Variants in ZFAND2A observed in about 807,000 individuals in gnomAD.
ZFAND2A encodes AN1-type zinc finger protein 2A.
In ZFAND2A, 20 loss-of-function variants were observed where a neutral mutation model predicts 11.6. That is an observed-to-expected ratio of 1.72 (90% CI 1.21 to 2.50). ZFAND2A has a LOEUF of 2.50. ZFAND2A is among the 30% of genes most tolerant of loss of function. The pLI, the probability that ZFAND2A is intolerant of heterozygous loss-of-function variation, is 0.00. For synonymous variants in ZFAND2A, 93 were observed against 60.6 expected, an observed-to-expected ratio of 1.54 and a Z score of -2.48; for missense variants, 234 against 182.9, an observed-to-expected ratio of 1.28 and a Z score of -1.61.
In ZFAND2A at chr7:1,153,633, A is replaced by C. The variant is rs192365880; in HGVS notation, c.283-409T>G. Among the ~76,000 whole-genome samples the C allele has an allele frequency of 2.4e-3, 360 of 152,308 alleles. 4 individuals carry two copies. The highest frequency in any genetic ancestry group is 8.3e-3 in the African/African-American group (344 of 41,552). ...GAGTACAGATGCAAAGTTTCATTTG[A>C]CCATCTCAGTGCAGGTAAGAAGAAC... On this transcript the variant is annotated intron_variant, in intron 4 of 4. Coordinates refer to ENST00000316495, the MANE Select transcript of ZFAND2A (RefSeq NM_182491.4).
At chr7:1,152,423 A>G, downstream of ZFAND2A, 3 of 1,443,352 alleles carry the variant, frequency 2.1e-6, no homozygotes, top group East Asian at 2.6e-5. Context: ...CAGGTAAGCA[A>G]CTACCACTGG....
At chr7:1,151,095 C>G (rs1234187356), downstream of ZFAND2A, among the ~76,000 whole-genome samples, 1 of 152,108 alleles carries the variant, frequency 6.6e-6, no homozygotes, top group Non-Finnish European at 1.5e-5. Context: ...ACCATGTTGA[C>G]CAGGCTGGTC....
chr7:1,151,063 G>C (rs115849730), downstream of ZFAND2A, among the ~76,000 whole-genome samples: 1 of 151,892 alleles, frequency 6.6e-6, no homozygotes, highest in African/African-American at 2.4e-5. Context: ...GCTAATTTTT[G>C]TTTTAGTAGA....
At chr7:1,159,934 G>A in intron 1 of ZFAND2A, 30 bp downstream of exon 1, 1 of 167,052 alleles carries the variant, frequency 6.0e-6, no homozygotes, top group Non-Finnish European at 1.3e-5. Flanking sequence ...ACCCCCGGCA[G>A]ACCCTGTCTG....
downstream of ZFAND2A, among the ~76,000 whole-genome samples, chr7:1,151,208 A>G (rs538882616): frequency 1.3e-5 from 2 of 151,424 alleles, no homozygotes; most frequent in Admixed American, 1.3e-4. Context: ...TGTTTTAAGA[A>G]GTTGACCGTG....
At chr7:1,158,684 CCTCT>C (rs941846154) in intron 1 of ZFAND2A, among the ~76,000 whole-genome samples, 6 of 145,572 alleles carry the variant, frequency 4.1e-5, no homozygotes, top group Non-Finnish European at 7.8e-5. Context: ...CTGTCCCTCG[CCTCT>C]CTCTTCAACT....
downstream of ZFAND2A, among the ~76,000 whole-genome samples, chr7:1,152,531 T>C (rs550497987): frequency 6.6e-6 from 1 of 152,262 alleles, no homozygotes; most frequent in Admixed American, 6.5e-5. Flanking sequence ...ACGAGTTGAA[T>C]CATGTCCCCA....
Position 1,155,951 on chromosome 7 carries a change from C to T in ZFAND2A, c.151-367G>A, listed in dbSNP as rs550847855. On this transcript the variant is annotated intron_variant, in intron 3 of 4. Transcript: ENST00000316495. ...CAAAGACCCTCCAGCTCCCCTCAGT[C>T]GCCAACGGCCTGATCCCTTTGCGGT... Among the ~76,000 whole-genome samples, 152 of 152,368 alleles carry T rather than the reference C, an allele frequency of 1.0e-3. 1 individual carries two copies. The South Asian group carries it at 0.025, about 25-fold the overall frequency.
intron 1 of ZFAND2A, among the ~76,000 whole-genome samples, chr7:1,158,968 C>A (rs1793603821): frequency 6.6e-6 from 1 of 152,150 alleles, no homozygotes; most frequent in Non-Finnish European, 1.5e-5. Context: ...ACCTTCCCAT[C>A]AGCTCTCTCC....
chr7:1,149,011 C>T (rs1187370959), downstream of ZFAND2A, among the ~76,000 whole-genome samples: 4 of 151,744 alleles, frequency 2.6e-5, no homozygotes, highest in African/African-American at 9.7e-5. Flanking sequence ...TTGCCCAGTC[C>T]TATCTCAAAC....
At position 1,159,911 on chromosome 7, in the gene ZFAND2A, C is replaced by T. The variant is rs78551298; in HGVS notation, c.-46+53G>A. ...GCCGAACCCCCGAGCAACCTGACCT[C>T]AAGGCAGGCCCGACCCCCGGCAGAC... On this transcript the variant is annotated intron_variant, in intron 1 of 4. Transcript: ENST00000316495. 0.018 allele frequency: 3,114 copies of T among 171,496 alleles called. 160 individuals carry two copies. The East Asian group carries it at 0.18, about 10-fold the overall frequency. 10.6% of individuals were successfully genotyped at this position (171,496 alleles called of 1,614,324 possible).
At chr7:1,159,704 T>C (rs1407011617) in intron 1 of ZFAND2A, among the ~76,000 whole-genome samples, 1 of 32,456 alleles carries the variant, frequency 3.1e-5, no homozygotes, top group Non-Finnish European at 6.5e-5. Flanking sequence ...GCAGGCCCGG[T>C]CCCCAGCAGA....
At chr7:1,156,755 G>C (rs1793535401) in intron 3 of ZFAND2A, among the ~76,000 whole-genome samples, 2 of 152,248 alleles carry the variant, frequency 1.3e-5, no homozygotes, top group African/African-American at 4.8e-5. Context: ...CGAGCTGGGA[G>C]AGTCACAGGT....
At chr7:1,152,856 C>CA, downstream of ZFAND2A, 1 of 765,600 alleles carries the variant, frequency 1.3e-6, no homozygotes, top group Admixed American at 2.1e-5. Flanking sequence ...TTGAGCCACC[C>CA]AGTTTTTAGT....
In ZFAND2A at chr7:1,155,512, C is replaced by T; in HGVS notation, c.223G>A (p.Val75Met). The T allele has an allele frequency of 6.2e-7, 1 of 1,613,974 alleles. No homozygotes were observed. The highest frequency in any genetic ancestry group is 8.5e-7 in the Non-Finnish European group (1 of 1,179,934). ...TCTCTGTCAATGTGATCACCAACCA[C>T]CACGTCTGGTATCTGGCCCTTTTTT... ...PVKKGQIPDV[V>M]VGDHIDRDCD... The change falls in exon 4 of 5, where the codon GTG (valine) becomes ATG (methionine). Residue 75 changes from valine (V) to methionine (M), a missense_variant. Val to Met is a conservative substitution (Grantham distance 21). Coordinates refer to ENST00000316495, the MANE Select transcript of ZFAND2A (RefSeq NM_182491.4).
chr7:1,150,879 A>T (rs1584021463), downstream of ZFAND2A, among the ~76,000 whole-genome samples: 1 of 143,400 alleles, frequency 7.0e-6, no homozygotes, highest in Non-Finnish European at 1.5e-5. Flanking sequence ...GGCTGCTGAC[A>T]ACTGTGCCTT....
intron 3 of ZFAND2A, 23 bp downstream of exon 3, chr7:1,157,633 C>A: frequency 6.4e-7 from 1 of 1,573,358 alleles, no homozygotes; most frequent in African/African-American, 1.4e-5. Context: ...AGATGAGAAT[C>A]TTTTGAACAA....
At chr7:1,151,774 A>G (rs929348415), downstream of ZFAND2A, among the ~76,000 whole-genome samples, 2 of 143,332 alleles carry the variant, frequency 1.4e-5, no homozygotes, top group African/African-American at 2.7e-5. Context: ...AAAAAAAAAA[A>G]GCAAAGCCAG....
chr7:1,156,238 G>C (rs62431994), intron 3 of ZFAND2A, among the ~76,000 whole-genome samples: 13 of 12,922 alleles, frequency 1.0e-3, no homozygotes, highest in South Asian at 3.0e-3. Context: ...AGCAGCTGAA[G>C]GCCCAGCAAG....
Sources: allele counts gnomAD v4.1 joint callset (sites outside exome capture counted in the v4.1 genomes callset), GRCh38; gene constraint gnomAD v4.1.1; transcripts MANE v1.5; gene names NCBI Gene and HGNC (gene_info 2026-07-23, HGNC 2026-07-21).